MINDY3: variants seen among roughly 807,000 people sequenced by gnomAD.
The protein encoded by MINDY3 is MINDY lysine 48 deubiquitinase 3, also known as ubiquitin carboxyl-terminal hydrolase MINDY-3.
In MINDY3, 38 loss-of-function variants were observed where a neutral mutation model predicts 69.2. That is an observed-to-expected ratio of 0.55 (90% CI 0.42 to 0.72). The LOEUF (loss-of-function observed/expected upper bound fraction) is 0.72, where lower values mean the gene tolerates loss of function less well. Among genes scored for constraint, MINDY3 ranks in the 30% least tolerant of loss-of-function variants. The probability of loss-of-function intolerance (pLI) is 0.00; values close to 1 mark genes in which losing one functional copy is unlikely to be tolerated. For synonymous variants in MINDY3, 192 were observed against 180.1 expected (o/e 1.07, Z -0.53); for missense variants, 522 against 519.0 (o/e 1.01, Z -0.06).
intron 3 of MINDY3, among the ~76,000 whole-genome samples, 171 bp from the exon 4 acceptor site, chr10:15,841,770 G>A (rs1434442422): frequency 6.6e-6 from 1 of 151,516 alleles, no homozygotes; most frequent in Admixed American, 6.6e-5. Context: ...ATGTGTTTGT[G>A]GATTAAAATA....
chr10:15,844,759 T>C (rs114078232), intron 2 of MINDY3, among the ~76,000 whole-genome samples: 2,354 of 152,290 alleles, frequency 0.015, 47 homozygotes, highest in African/African-American at 0.051. Flanking sequence ...TTGTACTATA[T>C]AGCAGTATAT....
intron 8 of MINDY3, among the ~76,000 whole-genome samples, chr10:15,824,656 G>A (rs1839973956): frequency 6.6e-6 from 1 of 152,056 alleles, no homozygotes; most frequent in Non-Finnish European, 1.5e-5. Flanking sequence ...ATGTAAAAAA[G>A]AATACATACA....
intron 9 of MINDY3, 51 bp downstream of exon 9, chr10:15,821,605 T>C (rs148696823): frequency 5.1e-6 from 7 of 1,373,826 alleles, no homozygotes; most frequent in Middle Eastern, 1.8e-4. Flanking sequence ...GTATCCACAA[T>C]AGTGGACATC....
chr10:15,814,460 C>A (rs185752342), intron 10 of MINDY3, among the ~76,000 whole-genome samples: 17 of 151,472 alleles, frequency 1.1e-4, no homozygotes, highest in African/African-American at 4.1e-4. Context: ...ACTAATAATT[C>A]CCCCCACCCC....
At chr10:15,779,243 A>G in intron 14 of MINDY3, 102 bp from the exon 15 acceptor site, 1 of 914,014 alleles carries the variant, frequency 1.1e-6, no homozygotes, top group Non-Finnish European at 1.6e-6. Context: ...GGTATTACAT[A>G]GTTTCAGATG....
At chr10:15,802,400 T>C (rs548976927) in intron 10 of MINDY3, among the ~76,000 whole-genome samples, 1 of 152,086 alleles carries the variant, frequency 6.6e-6, no homozygotes, top group Non-Finnish European at 1.5e-5. Flanking sequence ...AGCAAGCACC[T>C]TCTTCACAAG....
At chr10:15,800,468 A>T (rs1464605788) in intron 10 of MINDY3, among the ~76,000 whole-genome samples, 1 of 152,142 alleles carries the variant, frequency 6.6e-6, no homozygotes, top group Non-Finnish European at 1.5e-5. Context: ...TCAGAGCACA[A>T]GTATGGCGCT....
At chr10:15,814,566 G>A (rs1251779203) in intron 10 of MINDY3, among the ~76,000 whole-genome samples, 1 of 151,492 alleles carries the variant, frequency 6.6e-6, no homozygotes, top group Admixed American at 6.6e-5. Context: ...ACACCCACAT[G>A]GCAGGAGTTT....
At chr10:15,825,686 CAAATT>C (rs1463711300) in intron 8 of MINDY3, among the ~76,000 whole-genome samples, 1 of 152,068 alleles carries the variant, frequency 6.6e-6, no homozygotes, top group African/African-American at 2.4e-5. Context: ...TTATAATTGA[CAAATT>C]AAAGTTGTAT....
intron 10 of MINDY3, among the ~76,000 whole-genome samples, chr10:15,799,977 AT>A (rs1338412478): frequency 6.6e-6 from 1 of 152,146 alleles, no homozygotes; most frequent in Non-Finnish European, 1.5e-5. Context: ...ATGGAAGCAG[AT>A]TCCTTCAAAG....
intron 12 of MINDY3, 96 bp downstream of exon 12, chr10:15,789,151 G>GCAT (rs1190447916): frequency 1.3e-6 from 1 of 795,164 alleles, no homozygotes; most frequent in Admixed American, 2.0e-5. Context: ...CATATATGCA[G>GCAT]ATATAGATTT....
chr10:15,847,642 T>C (rs960621018), intron 2 of MINDY3, among the ~76,000 whole-genome samples: 3 of 152,210 alleles, frequency 2.0e-5, no homozygotes, highest in African/African-American at 7.2e-5. Flanking sequence ...CCTATTATTT[T>C]TCCTTGAAAA....
intron 10 of MINDY3, among the ~76,000 whole-genome samples, chr10:15,797,203 G>A (rs756546154): frequency 6.6e-6 from 1 of 152,000 alleles, no homozygotes; most frequent in African/African-American, 2.4e-5. Context: ...ATGAGGACTC[G>A]ATTCCTGAAA....
intron 9 of MINDY3, among the ~76,000 whole-genome samples, chr10:15,820,918 TG>T (rs1801750836): frequency 6.6e-6 from 1 of 152,196 alleles, no homozygotes; most frequent in Non-Finnish European, 1.5e-5. Flanking sequence ...GAGACCAGCC[TG>T]GGCAACATAG....
chr10:15,847,015 G>A (rs1441374907), intron 2 of MINDY3, among the ~76,000 whole-genome samples: 1 of 152,136 alleles, frequency 6.6e-6, no homozygotes, highest in Non-Finnish European at 1.5e-5. Context: ...GAGCCACCGT[G>A]CCTGGCCAGA....
At chr10:15,831,407 T>C (rs1049572063) in intron 8 of MINDY3, among the ~76,000 whole-genome samples, 4 of 152,188 alleles carry the variant, frequency 2.6e-5, no homozygotes, top group African/African-American at 9.7e-5. Context: ...TGACTGAACA[T>C]TCGCTTCAAA....
intron 8 of MINDY3, among the ~76,000 whole-genome samples, chr10:15,824,506 A>T (rs988344417): frequency 5.3e-5 from 8 of 152,334 alleles, no homozygotes; most frequent in African/African-American, 1.9e-4. Context: ...CATGAGATTA[A>T]AAGGTTTTAG....
At chr10:15,841,980 T>G (rs1288157581) in intron 3 of MINDY3, among the ~76,000 whole-genome samples, 3 of 151,742 alleles carry the variant, frequency 2.0e-5, no homozygotes, top group Non-Finnish European at 4.4e-5. Flanking sequence ...TTGAAACCTC[T>G]ATTTTTTTTC....
intron 13 of MINDY3, among the ~76,000 whole-genome samples, chr10:15,782,812 A>C (rs897486953): frequency 6.6e-6 from 1 of 152,232 alleles, no homozygotes; most frequent in African/African-American, 2.4e-5. Flanking sequence ...CAATAAAGAA[A>C]GGATATCCTA....
Sources: allele counts gnomAD v4.1 joint callset (sites outside exome capture counted in the v4.1 genomes callset), GRCh38; gene constraint gnomAD v4.1.1; transcripts MANE v1.5; gene names NCBI Gene and HGNC (gene_info 2026-07-23, HGNC 2026-07-21).